Variants in ARHGDIB observed in about 807,000 individuals in gnomAD.
ARHGDIB encodes Rho GDP dissociation inhibitor beta, also known as rho GDP-dissociation inhibitor 2.
A neutral mutation model predicts 22.6 loss-of-function variants in ARHGDIB; 20 were observed. The ratio of observed to expected loss-of-function variants is 0.88; its 90% CI spans 0.62 to 1.28. ARHGDIB has a LOEUF of 1.28. Ranked by LOEUF, ARHGDIB falls within the 50% of genes most tolerant of loss-of-function variation. ARHGDIB has a pLI of 0.00. For synonymous variants in ARHGDIB, 114 were observed against 96.1 expected (o/e 1.19, Z -1.09); for missense variants, 254 against 245.4 (o/e 1.04, Z -0.23).
chr12:14,945,572 G>A (rs914057838), intron 4 of ARHGDIB, among the ~76,000 whole-genome samples: 2 of 152,204 alleles, frequency 1.3e-5, no homozygotes, highest in Non-Finnish European at 2.9e-5. Flanking sequence ...TTACACAGTC[G>A]TTATGTCTAT....
Position 14,953,924 on chromosome 12 carries a change from T to TC in ARHGDIB, c.-12-3201dup, listed in dbSNP as rs1368939272. Among the ~76,000 whole-genome samples the TC allele has an allele frequency of 7.3e-4, 110 of 150,456 alleles. 1 individual carries two copies. Among genetic ancestry groups the TC allele is most frequent in the African/African-American group, 1.7e-3 (70 of 40,886 alleles). The stretch of plus-strand genomic sequence containing the variant: ...TCTTTCTTTCTCTCTCTCTCTCCCT[T>TC]CTTTCCTTCCTTCCTTCCTTCCTTT... On this transcript the variant is annotated intron_variant, in intron 1 of 5. Coordinates refer to ENST00000228945, the MANE Select transcript of ARHGDIB (RefSeq NM_001175.7).
rs79234267 is a variant in ARHGDIB at position 14,948,868 on chromosome 12, C to T, written c.266-919G>A. The T allele has an allele frequency of 6.7e-3, 1,028 of 152,508 alleles. 20 individuals are homozygous for T. Among genetic ancestry groups the T allele is most frequent in the East Asian group, 0.024 (126 of 5,186 alleles). The allele number at this position is 152,508 out of a possible 1,614,324, so 9.4% of individuals were successfully genotyped here. ...AGTTTCTCTCCTGGAGAGATGTCAG[C>T]ATGTCGGGGTAGCTGAATGTGTGTG... On this transcript the variant is annotated intron_variant, in intron 3 of 5. Coordinates refer to ENST00000228945, the MANE Select transcript of ARHGDIB (RefSeq NM_001175.7).
intron 1 of ARHGDIB, among the ~76,000 whole-genome samples, chr12:14,952,202 C>G (rs1283591590): frequency 7.1e-6 from 1 of 141,826 alleles, no homozygotes; most frequent in Non-Finnish European, 1.5e-5. Context: ...TTTTGAGTTT[C>G]AATGTCACTA....
In ARHGDIB at chr12:14,944,762, G is replaced by A. The variant is rs1404382019; in HGVS notation, c.406+14C>T. 6.2e-7 allele frequency: 1 copy of A among 1,612,064 alleles called. No homozygotes were observed. The stretch of plus-strand genomic sequence containing the variant: ...AAGCAGTTTGGGACAGTGTGGAAAT[G>A]TGGGTTCCCTTACCTTTCACCCCAG... On this transcript the variant is annotated intron_variant, in intron 5 of 5. Transcript: ENST00000228945.
chr12:14,943,917 T>G (rs941968877), intron 5 of ARHGDIB, among the ~76,000 whole-genome samples: 1 of 152,222 alleles, frequency 6.6e-6, no homozygotes, highest in Non-Finnish European at 1.5e-5. Context: ...AAATTAAACT[T>G]TTTTTTCATG....
At chr12:14,944,153 G>A (rs1399675094) in intron 5 of ARHGDIB, among the ~76,000 whole-genome samples, 3 of 150,916 alleles carry the variant, frequency 2.0e-5, no homozygotes, top group South Asian at 2.1e-4. Context: ...TCACCTTCCC[G>A]CCTCTCATTT....
chr12:14,949,859 T>A lies in ARHGDIB; in HGVS notation c.208A>T (p.Thr70Ser). 1 of 1,613,444 alleles carries A rather than the reference T, an allele frequency of 6.2e-7. No homozygotes were observed. The highest frequency in any genetic ancestry group is 8.5e-7 in the Non-Finnish European group (1 of 1,179,678). The change falls in exon 3 of 6, where the codon ACC (threonine) becomes TCC (serine). Residue 70 changes from threonine to serine, a missense_variant. Transcript: ENST00000228945. ...CTCTCACAAACCAGGGTGAGCCGGG[T>A]GACAACGACATTGGGGGCTTTCGGA... ...TDPKAPNVVV[T>S]RLTLVCESAP...
At position 14,942,450 on chromosome 12, in the gene ARHGDIB, G is replaced by A; in HGVS notation, c.*72C>T. 1.3e-6 allele frequency: 2 copies of A among 1,528,140 alleles called. No individual in the cohort carries two copies. Among genetic ancestry groups the A allele is most frequent in the Admixed American group, 1.7e-5 (1 of 59,762 alleles). The allele number at this position is 1,528,140 out of a possible 1,614,324, so 94.7% of individuals were successfully genotyped here. ...GAGGGACCCAGCTGTGGACAGGGAG[G>A]AGGGACAGGGTGCTGAACACGCCTG... On this transcript the variant is annotated 3_prime_UTR_variant, in exon 6 of 6. Coordinates refer to ENST00000228945, the MANE Select transcript of ARHGDIB (RefSeq NM_001175.7).
intron 4 of ARHGDIB, 160 bp downstream of exon 4, chr12:14,947,713 G>A: frequency 1.6e-6 from 1 of 619,050 alleles, no homozygotes. Context: ...GGTCTCAACA[G>A]GTAGCCCTCA....
At chr12:14,953,105 A>C (rs1864218517) in intron 1 of ARHGDIB, among the ~76,000 whole-genome samples, 1 of 152,200 alleles carries the variant, frequency 6.6e-6, no homozygotes, top group Admixed American at 6.5e-5. Context: ...TCTGAGGCTT[A>C]TGTTCTACAT....
intron 1 of ARHGDIB, among the ~76,000 whole-genome samples, chr12:14,954,859 A>G (rs1864266253): frequency 6.6e-6 from 1 of 152,204 alleles, no homozygotes; most frequent in Admixed American, 6.5e-5. Context: ...AAGGGTAACT[A>G]CGTGAGATGA....
intron 1 of ARHGDIB, among the ~76,000 whole-genome samples, chr12:14,958,419 G>A (rs984963470): frequency 2.0e-5 from 3 of 152,146 alleles, no homozygotes; most frequent in Non-Finnish European, 4.4e-5. Flanking sequence ...TACTAGAAAC[G>A]TAATTTCTTA....
chr12:14,959,475 C>T (rs947717070), intron 1 of ARHGDIB, among the ~76,000 whole-genome samples: 1 of 152,168 alleles, frequency 6.6e-6, no homozygotes, highest in Admixed American at 6.5e-5. Flanking sequence ...GCATTCTTCT[C>T]AGGAACAAAA....
chr12:14,959,193 C>T (rs186060424), intron 1 of ARHGDIB, among the ~76,000 whole-genome samples: 4 of 152,064 alleles, frequency 2.6e-5, no homozygotes, highest in South Asian at 4.1e-4. Context: ...CCAAGGCAGG[C>T]GGATTGCTTG....
chr12:14,956,970 C>T (rs1864313811), intron 1 of ARHGDIB, among the ~76,000 whole-genome samples: 1 of 152,188 alleles, frequency 6.6e-6, no homozygotes, highest in South Asian at 2.1e-4. Flanking sequence ...AAAATTTACA[C>T]CCATGTCAGG....
At chr12:14,943,389 T>TA (rs567744193) in intron 5 of ARHGDIB, among the ~76,000 whole-genome samples, 1 of 138,994 alleles carries the variant, frequency 7.2e-6, no homozygotes, top group African/African-American at 2.6e-5. Context: ...TTTTTTTTTT[T>TA]TTGTTGTTGT....
chr12:14,944,707 C>A, intron 5 of ARHGDIB, 69 bp downstream of exon 5: 1 of 1,483,562 alleles, frequency 6.7e-7, no homozygotes, highest in Non-Finnish European at 9.3e-7. Flanking sequence ...CTAAAAGTTG[C>A]TAATAACCAG....
rs747772666 is a variant in ARHGDIB at position 14,949,874 on chromosome 12, G to A, written c.193C>T (p.Pro65Ser). Residue 65 changes from proline (P) to serine (S), a missense_variant, in exon 3 of 6, where the codon CCC becomes TCC. Pro to Ser is a moderately conservative substitution (Grantham distance 74, BLOSUM62 -1). Transcript: ENST00000228945. ...DGPVVTDPKA[P>S]NVVVTRLTLV... The stretch of plus-strand genomic sequence containing the variant: ...GTGAGCCGGGTGACAACGACATTGG[G>A]GGCTTTCGGATCTGCAGGATCGAAA... The A allele has an allele frequency of 2.5e-6, 4 of 1,613,394 alleles. No individual in the cohort carries two copies. The highest frequency in any genetic ancestry group is 2.2e-5 in the East Asian group (1 of 44,866).
chr12:14,947,570 G>C, intron 4 of ARHGDIB: 1 of 267,184 alleles, frequency 3.7e-6, no homozygotes. Context: ...AAGAAGAAAT[G>C]ACACAGGTGG....
Sources: allele counts gnomAD v4.1 joint callset (sites outside exome capture counted in the v4.1 genomes callset), GRCh38; gene constraint gnomAD v4.1.1; transcripts MANE v1.5; gene names NCBI Gene and HGNC (gene_info 2026-07-23, HGNC 2026-07-21).